The following RELN variants were observed in gnomAD, a reference collection of about 807,000 sequenced individuals.
The protein encoded by RELN is reelin.
Under a neutral mutation model 427.6 loss-of-function variants are expected in RELN, and 108 were observed. That is an observed-to-expected ratio of 0.25 (90% CI 0.22 to 0.30). The LOEUF is 0.30. Ranked by LOEUF, RELN falls within the 10% of genes least tolerant of loss-of-function variation. The pLI is 1.00. For missense variants in RELN, 3,715 were observed against 4,302.8 expected (o/e 0.86, Z 3.82); for synonymous variants, 1,524 against 1,513.4 (o/e 1.01, Z -0.16).
Position 103,496,170 on chromosome 7 carries a change from GGTAACCTAGCACCGAAA to G in RELN, c.9194-289_9194-273del, listed in dbSNP as rs72326602. Among the ~76,000 whole-genome samples, 27,561 of 152,122 alleles carry G rather than the reference GGTAACCTAGCACCGAAA, an allele frequency of 0.18. 2,597 individuals are homozygous for G. Among genetic ancestry groups the G allele is most frequent in the East Asian group, 0.29 (1,499 of 5,168 alleles). On this transcript the variant is annotated intron_variant, in intron 56 of 64. Coordinates refer to ENST00000428762, the MANE Select transcript of RELN (RefSeq NM_005045.4). Reference sequence around the variant, plus strand: ...CTTTTAAAATGTAATTGCTAGTCTAGGTAACCTAGCACCGAAAAGTTCTTGATACACTTTGTCAGCCA... The same window carrying G: ...CTTTTAAAATGTAATTGCTAGTCTAGAGTTCTTGATACACTTTGTCAGCCA...
chr7:103,960,162 C>T (rs367628517), intron 1 of RELN, among the ~76,000 whole-genome samples: 20 of 152,280 alleles, frequency 1.3e-4, no homozygotes, highest in African/African-American at 2.6e-4. Flanking sequence ...TTCCCTTTCA[C>T]GCAAATCCTT....
At chr7:103,984,453 GGAAT>G (rs781334956) in intron 1 of RELN, among the ~76,000 whole-genome samples, 1 of 152,052 alleles carries the variant, frequency 6.6e-6, no homozygotes, top group Non-Finnish European at 1.5e-5. Context: ...TAGTAATGTA[GGAAT>G]GAATGAAGTA....
chr7:103,750,138 A>G (rs966860429), intron 5 of RELN, among the ~76,000 whole-genome samples: 15 of 151,974 alleles, frequency 9.9e-5, no homozygotes, highest in African/African-American at 3.6e-4. Context: ...TACTACCATG[A>G]CTGGCTAATT....
chr7:103,780,977 C>T (rs187726508), intron 3 of RELN, among the ~76,000 whole-genome samples: 1 of 152,332 alleles, frequency 6.6e-6, no homozygotes, highest in East Asian at 1.9e-4. Flanking sequence ...ATACCCAATA[C>T]ACACATGTGT....
At chr7:103,903,073 T>C (rs13438290) in intron 2 of RELN, among the ~76,000 whole-genome samples, 1 of 152,068 alleles carries the variant, frequency 6.6e-6, no homozygotes, top group African/African-American at 2.4e-5. Flanking sequence ...AAAAAAGGGC[T>C]GGAAAACCTC....
chr7:103,869,947 C>T (rs1186647455), intron 2 of RELN, among the ~76,000 whole-genome samples: 1 of 152,106 alleles, frequency 6.6e-6, no homozygotes, highest in African/African-American at 2.4e-5. Context: ...CGCATTTGAT[C>T]TGTACATTGA....
chr7:103,651,664 C>A lies in RELN; in HGVS notation c.1889G>T (p.Ser630Ile). Residue 630 changes from serine (S) to isoleucine (I), a missense_variant, in exon 15 of 65, where the codon AGT (serine) becomes ATT (isoleucine). By Grantham distance (142) the Ser-to-Ile change is moderately radical. Around this residue, in one of 4 missense-constraint regions of RELN, gnomAD observed 2,208 missense variants for 2,361.7 expected, o/e 0.93. Coordinates refer to ENST00000428762, the MANE Select transcript of RELN (RefSeq NM_005045.4). The stretch of plus-strand genomic sequence containing the variant: ...ATCTCAGAGAGAATGTACTCACCCA[C>A]TGTAGTTTTCAGAGGAGTAGACAGT... ...HSTVYSSENY[S>I]GWNRITIPLP... 6.2e-7 allele frequency: 1 copy of A among 1,611,490 alleles called. No individual in the cohort carries two copies. The highest frequency in any genetic ancestry group is 8.5e-7 in the Non-Finnish European group (1 of 1,178,176).
chr7:103,613,340 A>G (rs1228968791), intron 20 of RELN, among the ~76,000 whole-genome samples: 1 of 152,244 alleles, frequency 6.6e-6, no homozygotes, highest in Admixed American at 6.5e-5. Context: ...TGAATTTACA[A>G]ATCACTAACT....
chr7:103,647,337 A>T (rs1584374158), intron 16 of RELN, among the ~76,000 whole-genome samples: 1 of 152,202 alleles, frequency 6.6e-6, no homozygotes, highest in East Asian at 1.9e-4. Flanking sequence ...AGACTCCTAG[A>T]TTTGATAAAT....
intron 6 of RELN, among the ~76,000 whole-genome samples, chr7:103,743,355 T>A (rs1380921507): frequency 6.6e-6 from 1 of 152,150 alleles, no homozygotes; most frequent in Non-Finnish European, 1.5e-5. Flanking sequence ...CTGCACCAAC[T>A]AACAAGCAAA....
intron 2 of RELN, among the ~76,000 whole-genome samples, chr7:103,862,411 C>CGTTCG (rs1554432463): frequency 3.7e-5 from 2 of 53,406 alleles, no homozygotes; most frequent in East Asian, 4.3e-4. Context: ...TGCTTTTGTT[C>CGTTCG]TATCTATCTA....
intron 41 of RELN, among the ~76,000 whole-genome samples, chr7:103,550,402 C>A (rs1830385909): frequency 6.6e-6 from 1 of 152,086 alleles, no homozygotes; most frequent in Non-Finnish European, 1.5e-5. Context: ...AAAGAAAAAA[C>A]AGAAATTTGG....
intron 1 of RELN, among the ~76,000 whole-genome samples, chr7:103,949,961 GT>G (rs1347754517): frequency 6.6e-6 from 1 of 152,190 alleles, no homozygotes; most frequent in African/African-American, 2.4e-5. Context: ...CATGTTGTCT[GT>G]TTAGTTTTGT....
intron 6 of RELN, among the ~76,000 whole-genome samples, chr7:103,744,424 G>T (rs7781095): frequency 0.22 from 33,088 of 151,792 alleles, 4,770 homozygotes; most frequent in African/African-American, 0.41. Context: ...AGAGCAGAAC[G>T]GAAGGAAATG....
chr7:103,817,189 TTC>T (rs1238956383), intron 3 of RELN, among the ~76,000 whole-genome samples: 2 of 152,192 alleles, frequency 1.3e-5, no homozygotes, highest in African/African-American at 4.8e-5. Flanking sequence ...TACATATTGA[TTC>T]TGTTTTCCAC....
chr7:103,702,217 A>G (rs1001748604), intron 8 of RELN, among the ~76,000 whole-genome samples: 1 of 152,250 alleles, frequency 6.6e-6, no homozygotes, highest in African/African-American at 2.4e-5. Context: ...ATAAATATCA[A>G]ACTGTGCGAC....
At chr7:103,599,887 T>A (rs1273023603) in intron 24 of RELN, among the ~76,000 whole-genome samples, 4 of 152,218 alleles carry the variant, frequency 2.6e-5, no homozygotes, top group African/African-American at 9.6e-5. Flanking sequence ...ATGAATTATG[T>A]ATGTATGCAT....
chr7:103,762,280 C>T (rs762970933), intron 4 of RELN, among the ~76,000 whole-genome samples: 6 of 152,152 alleles, frequency 3.9e-5, no homozygotes, highest in African/African-American at 1.2e-4. Flanking sequence ...CACAGTAGAA[C>T]GACCCTGCCA....
chr7:103,539,406 GTTTGTTTGTTTT>G, intron 44 of RELN, 79 bp from the exon 45 acceptor site: 1 of 1,468,590 alleles, frequency 6.8e-7, no homozygotes, highest in Non-Finnish European at 9.3e-7. Flanking sequence ...TCGTTTGTTT[GTTTGTTTGTTTT>G]GATCTGTTGG....
Sources: allele counts gnomAD v4.1 joint callset (sites outside exome capture counted in the v4.1 genomes callset), GRCh38; gene constraint gnomAD v4.1.1; regional missense constraint gnomAD v4.1.1; transcripts MANE v1.5; gene names NCBI Gene and HGNC (gene_info 2026-07-23, HGNC 2026-07-21).